Variants in NRXN3 observed in about 807,000 individuals in gnomAD.
NRXN3 encodes neurexin III.
A neutral mutation model predicts 137.6 loss-of-function variants in NRXN3; 32 were observed. That is an observed-to-expected ratio of 0.23 (90% CI 0.18 to 0.31). The LOEUF is 0.31. NRXN3 is among the 10% of genes least tolerant of loss of function. The pLI is 1.00. For synonymous variants in NRXN3, 798 were observed against 784.5 expected, an observed-to-expected ratio of 1.02 and a Z score of -0.29; for missense variants, 1,574 against 2,062.5, an observed-to-expected ratio of 0.76 and a Z score of 4.59.
intron 4 of NRXN3, among the ~76,000 whole-genome samples, chr14:78,493,668 C>T (rs1306496250): frequency 6.6e-6 from 1 of 152,002 alleles, no homozygotes; most frequent in African/African-American, 2.4e-5. Context: ...ATGGATTCAG[C>T]TTCATATAGG....
At chr14:79,230,928 C>CT (rs1406052383) in intron 15 of NRXN3, among the ~76,000 whole-genome samples, 1 of 152,086 alleles carries the variant, frequency 6.6e-6, no homozygotes, top group African/African-American at 2.4e-5. Flanking sequence ...TCTTAGCATA[C>CT]AAGAGTTACT....
At chr14:78,649,220 G>A (rs775947637) in intron 5 of NRXN3, 15 of 1,300,390 alleles carry the variant, frequency 1.2e-5, no homozygotes, top group East Asian at 4.9e-5. Flanking sequence ...ATTAACAATC[G>A]TTCTGTTCAC....
chr14:79,316,780 G>A (rs1231532219), intron 15 of NRXN3, among the ~76,000 whole-genome samples: 1 of 149,410 alleles, frequency 6.7e-6, no homozygotes, highest in Non-Finnish European at 1.5e-5. Flanking sequence ...TTCTGGGGGT[G>A]TAGTAGTCCA....
intron 17 of NRXN3, among the ~76,000 whole-genome samples, chr14:79,675,643 G>A (rs1036976842): frequency 8.5e-5 from 13 of 152,082 alleles, no homozygotes; most frequent in African/African-American, 2.7e-4. Flanking sequence ...GGGTGACATA[G>A]ACCTACTGGT....
chr14:78,899,441 G>A (rs1297641108), intron 10 of NRXN3, among the ~76,000 whole-genome samples: 1 of 151,950 alleles, frequency 6.6e-6, no homozygotes, highest in Non-Finnish European at 1.5e-5. Context: ...CCTGGCTTCT[G>A]CCACGTGGGC....
intron 16 of NRXN3, chr14:79,570,719 G>C (rs867583579): frequency 6.6e-6 from 1 of 152,196 alleles, no homozygotes; most frequent in South Asian, 2.1e-4. Flanking sequence ...CATAGACTGA[G>C]AGGCTTAACC....
At chr14:79,547,514 G>A (rs1158104657) in intron 16 of NRXN3, among the ~76,000 whole-genome samples, 1 of 152,188 alleles carries the variant, frequency 6.6e-6, no homozygotes, top group Non-Finnish European at 1.5e-5. Context: ...TTGATTAAAT[G>A]AGTTGCCTCT....
chr14:78,689,292 A>G (rs554808851), intron 6 of NRXN3, among the ~76,000 whole-genome samples: 1 of 152,178 alleles, frequency 6.6e-6, no homozygotes, highest in South Asian at 2.1e-4. Flanking sequence ...CAAAATAATC[A>G]TCACCATCAG....
chr14:78,304,090 A>T (rs2077129119), intron 4 of NRXN3, among the ~76,000 whole-genome samples: 1 of 152,158 alleles, frequency 6.6e-6, no homozygotes, highest in African/African-American at 2.4e-5. Context: ...CTCTCTACTT[A>T]CTAACATGTA....
At chr14:78,262,728 C>T (rs2070971464) in intron 2 of NRXN3, among the ~76,000 whole-genome samples, 1 of 152,148 alleles carries the variant, frequency 6.6e-6, no homozygotes, top group Non-Finnish European at 1.5e-5. Context: ...TTGCCAGGGA[C>T]ATTTATGTTC....
At chr14:79,598,211 A>G (rs1374316157) in intron 16 of NRXN3, among the ~76,000 whole-genome samples, 4 of 152,206 alleles carry the variant, frequency 2.6e-5, no homozygotes, top group Non-Finnish European at 4.4e-5. Context: ...TTTGCAGTAT[A>G]GTATCGTTGG....
chr14:79,213,770 C>T (rs2068067385), intron 15 of NRXN3, among the ~76,000 whole-genome samples: 1 of 152,116 alleles, frequency 6.6e-6, no homozygotes, highest in African/African-American at 2.4e-5. Flanking sequence ...ATCTGCTCGG[C>T]CACATCCACA....
chr14:78,621,101 G>A (rs2097399630), intron 4 of NRXN3, among the ~76,000 whole-genome samples: 1 of 152,204 alleles, frequency 6.6e-6, no homozygotes, highest in African/African-American at 2.4e-5. Flanking sequence ...GCCAAGTTCA[G>A]TCTCATTACA....
intron 4 of NRXN3, among the ~76,000 whole-genome samples, chr14:78,355,383 C>T (rs2084138465): frequency 6.6e-6 from 1 of 151,776 alleles, no homozygotes; most frequent in South Asian, 2.1e-4. Flanking sequence ...TCATATGAAC[C>T]CATTTCTTTC....
chr14:79,724,282 C>G (rs2098865807), intron 19 of NRXN3, among the ~76,000 whole-genome samples: 1 of 152,116 alleles, frequency 6.6e-6, no homozygotes. Context: ...AGCTGGAGTC[C>G]TGACTGTGCT....
At chr14:78,511,110 C>G (rs974085356) in intron 4 of NRXN3, among the ~76,000 whole-genome samples, 1 of 152,082 alleles carries the variant, frequency 6.6e-6, no homozygotes, top group Non-Finnish European at 1.5e-5. Flanking sequence ...ATGTTTATGG[C>G]CTTGCTTGCC....
chr14:79,018,004 A>C (rs2099582184), intron 15 of NRXN3, among the ~76,000 whole-genome samples: 1 of 152,022 alleles, frequency 6.6e-6, no homozygotes, highest in Non-Finnish European at 1.5e-5. Context: ...TCATGACTGT[A>C]ATCCTCGCAC....
chr14:79,461,275 A>T (rs953451100), intron 15 of NRXN3, among the ~76,000 whole-genome samples: 2 of 152,202 alleles, frequency 1.3e-5, no homozygotes, highest in Non-Finnish European at 2.9e-5. Context: ...TTAGCAACAG[A>T]TCAAGTTGTT....
intron 8 of NRXN3, among the ~76,000 whole-genome samples, chr14:78,719,275 G>A (rs1392487105): frequency 6.6e-6 from 1 of 152,200 alleles, no homozygotes; most frequent in Admixed American, 6.5e-5. Context: ...TCTGACATAT[G>A]CACCAGCTGA....
Sources: allele counts gnomAD v4.1 joint callset (sites outside exome capture counted in the v4.1 genomes callset), GRCh38; gene constraint gnomAD v4.1.1; transcripts MANE v1.5; gene names NCBI Gene and HGNC (gene_info 2026-07-23, HGNC 2026-07-21).